The following RANBP2 variants were observed in gnomAD, a reference collection of about 807,000 sequenced individuals.
The protein encoded by RANBP2 is E3 SUMO-protein ligase RanBP2.
RANBP2 carries 57 observed loss-of-function variants against 303.6 expected under a neutral mutation model. The ratio of observed to expected loss-of-function variants is 0.19; its 90% CI spans 0.15 to 0.23. The LOEUF is 0.23. RANBP2 is among the 10% of genes least tolerant of loss of function. The probability of loss-of-function intolerance (pLI) is 1.00; values close to 1 mark genes in which losing one functional copy is unlikely to be tolerated. For synonymous variants in RANBP2, 1,167 were observed against 1,301.5 expected, an observed-to-expected ratio of 0.90 and a Z score of 2.23; for missense variants, 3,138 against 3,780.8, an observed-to-expected ratio of 0.83 and a Z score of 4.46.
the RANBP2 span, among the ~76,000 whole-genome samples, chr2:109,190,276 T>C: frequency 0.86 from 130,434 of 151,920 alleles, 56,116 homozygotes; most frequent in African/African-American, 0.91. Context: ...CGGGTTCAAG[T>C]GATTCTTCTG....
the RANBP2 span, among the ~76,000 whole-genome samples, chr2:109,491,631 G>C: frequency 6.6e-6 from 1 of 152,286 alleles, no homozygotes; most frequent in African/African-American, 2.4e-5. Flanking sequence ...AGGCGTACCT[G>C]GCTTGGATCC....
chr2:108,891,691 G>T, the RANBP2 span, among the ~76,000 whole-genome samples: 2 of 152,084 alleles, frequency 1.3e-5, no homozygotes, highest in Non-Finnish European at 2.9e-5. Context: ...CAATGGATTG[G>T]GTGTGTAGGT....
At chr2:109,286,830 A>G in the RANBP2 span, among the ~76,000 whole-genome samples, 3 of 152,070 alleles carry the variant, frequency 2.0e-5, no homozygotes, top group Non-Finnish European at 2.9e-5. Flanking sequence ...TAGCCATTCT[A>G]CCTTTCCCAG....
intron 9 of RANBP2, among the ~76,000 whole-genome samples, chr2:108,749,336 C>T (rs1316513657): frequency 2.0e-5 from 3 of 152,074 alleles, no homozygotes; most frequent in African/African-American, 7.2e-5. Flanking sequence ...TTGCTCTTGT[C>T]GCCCATGCTG....
In RANBP2 at chr2:108,775,810, T is replaced by C. The variant is rs772195453; in HGVS notation, c.8371T>C (p.Cys2791Arg). The C allele has an allele frequency of 1.1e-5, 17 of 1,613,796 alleles. No individual in the cohort carries two copies. Among genetic ancestry groups the C allele is most frequent in the Non-Finnish European group, 1.4e-5 (16 of 1,179,940 alleles). The change falls in exon 24 of 29, where the codon TGT becomes CGT. Residue 2791 changes from cysteine (C) to arginine (R), a missense_variant. Transcript: ENST00000283195. ...GGTEVMVPSF[C>R]KSEEPDSITK... ...GACTGAAGTGATGGTACCTTCTTTC[T>C]GTAAATCTGAAGAACCTGATTCTAT... is the stretch of plus-strand genomic sequence containing the variant.
At chr2:108,947,117 A>C in the RANBP2 span, among the ~76,000 whole-genome samples, 1 of 152,202 alleles carries the variant, frequency 6.6e-6, no homozygotes, top group Non-Finnish European at 1.5e-5. Flanking sequence ...GCCAAAACAA[A>C]GGGGCCATAG....
At chr2:108,931,143 G>C in the RANBP2 span, 28 of 842,558 alleles carry the variant, frequency 3.3e-5, no homozygotes, top group Non-Finnish European at 3.8e-5. Context: ...AAACAGAGGG[G>C]AAACTATACA....
chr2:109,126,150 G>C, the RANBP2 span, among the ~76,000 whole-genome samples: 1 of 152,222 alleles, frequency 6.6e-6, no homozygotes, highest in South Asian at 2.1e-4. Context: ...AGGCCCTGTT[G>C]CCTGGGGTTC....
the RANBP2 span, among the ~76,000 whole-genome samples, chr2:109,547,453 CT>C: frequency 2.1e-5 from 3 of 143,504 alleles, no homozygotes; most frequent in Non-Finnish European, 4.5e-5. Flanking sequence ...CCGTATACAA[CT>C]GTTAAATGAG....
At chr2:109,599,516 C>T in the RANBP2 span, among the ~76,000 whole-genome samples, 1 of 151,120 alleles carries the variant, frequency 6.6e-6, no homozygotes, top group African/African-American at 2.4e-5. Flanking sequence ...CAAGATAAGG[C>T]AGCAGCAAGT....
the RANBP2 span, among the ~76,000 whole-genome samples, chr2:109,348,280 G>C: frequency 6.6e-6 from 1 of 152,224 alleles, no homozygotes; most frequent in African/African-American, 2.4e-5. Context: ...CGCTGACCCA[G>C]GTGCAGCAGA....
the RANBP2 span, among the ~76,000 whole-genome samples, chr2:109,687,735 C>G: frequency 2.0e-5 from 3 of 146,416 alleles, no homozygotes; most frequent in East Asian, 6.2e-4. Flanking sequence ...TTCCTCAGGT[C>G]AGGGGATTTT....
At chr2:109,727,796 A>T in the RANBP2 span, among the ~76,000 whole-genome samples, 11 of 152,186 alleles carry the variant, frequency 7.2e-5, no homozygotes, top group African/African-American at 2.7e-4. Context: ...CCCTTTGGCC[A>T]TGGCACTAAG....
At chr2:109,689,125 T>G in the RANBP2 span, among the ~76,000 whole-genome samples, 2 of 151,846 alleles carry the variant, frequency 1.3e-5, no homozygotes, top group Admixed American at 1.3e-4. Context: ...CAGGCTGATC[T>G]TGAACTCCTG....
the RANBP2 span, among the ~76,000 whole-genome samples, chr2:109,058,931 G>A: frequency 6.6e-6 from 1 of 152,206 alleles, no homozygotes; most frequent in Non-Finnish European, 1.5e-5. Context: ...CATGGACAGT[G>A]AGGAGGCAGA....
intron 9 of RANBP2, among the ~76,000 whole-genome samples, chr2:108,750,763 G>A (rs2433792): frequency 0.39 from 55,717 of 143,568 alleles, 13,748 homozygotes; most frequent in African/African-American, 0.71. Context: ...AATTTTTTGT[G>A]TTTTTAGTAG....
chr2:108,848,736 A>G, the RANBP2 span, among the ~76,000 whole-genome samples: 56 of 152,332 alleles, frequency 3.7e-4, no homozygotes, highest in African/African-American at 1.3e-3. Context: ...CAACTTTAAA[A>G]CAATCCTAAT....
At chr2:109,129,497 C>T in the RANBP2 span, 16 of 1,495,052 alleles carry the variant, frequency 1.1e-5, no homozygotes, top group African/African-American at 1.7e-4. Flanking sequence ...ACGCCGGCCC[C>T]GGGACCTAGG....
the RANBP2 span, among the ~76,000 whole-genome samples, chr2:109,088,252 C>A: frequency 1.3e-5 from 2 of 151,846 alleles, no homozygotes; most frequent in African/African-American, 4.8e-5. Context: ...CAAAAATTAG[C>A]CAGGCATGGT....
Sources: gnomAD v4.1 joint callset for allele counts (sites outside exome capture counted in the v4.1 genomes callset) on GRCh38, gnomAD v4.1.1 for gene constraint, MANE v1.5 for transcripts, NCBI Gene and HGNC (gene_info 2026-07-23, HGNC 2026-07-21) for gene names.